Variants in AKAP13 observed in about 807,000 individuals in gnomAD.
The protein encoded by AKAP13 is A-kinase anchoring protein 13.
In AKAP13, 80 loss-of-function variants were observed where a neutral mutation model predicts 264.5. That is an observed-to-expected ratio of 0.30 (90% CI 0.25 to 0.36). The LOEUF (loss-of-function observed/expected upper bound fraction) is 0.36, where lower values mean the gene tolerates loss of function less well. AKAP13 is among the 10% of genes least tolerant of loss of function. The probability of loss-of-function intolerance (pLI) is 1.00; values close to 1 mark genes in which losing one functional copy is unlikely to be tolerated. For missense variants in AKAP13, 3,712 were observed against 3,435.2 expected, an observed-to-expected ratio of 1.08 and a Z score of -2.01; for synonymous variants, 1,380 against 1,250.2, an observed-to-expected ratio of 1.10 and a Z score of -2.19.
chr15:85,495,643 C>T (rs1033206618), intron 2 of AKAP13, among the ~76,000 whole-genome samples: 3 of 151,982 alleles, frequency 2.0e-5, no homozygotes, highest in Non-Finnish European at 4.4e-5. Context: ...AAGGCATGCT[C>T]GAAGGTAATA....
chr15:85,628,403 T>G (rs2081532058), intron 8 of AKAP13, among the ~76,000 whole-genome samples: 1 of 152,208 alleles, frequency 6.6e-6, no homozygotes, highest in African/African-American at 2.4e-5. Flanking sequence ...AGCCGCCTTC[T>G]GCTAGATTTC....
intron 1 of AKAP13, among the ~76,000 whole-genome samples, chr15:85,425,050 A>C (rs2072707505): frequency 6.6e-6 from 1 of 152,350 alleles, no homozygotes; most frequent in East Asian, 1.9e-4. Context: ...TTACCATAAC[A>C]GATATAATAA....
At chr15:85,557,321 G>A (rs1224745664) in intron 5 of AKAP13, among the ~76,000 whole-genome samples, 1 of 152,172 alleles carries the variant, frequency 6.6e-6, no homozygotes, top group Non-Finnish European at 1.5e-5. Context: ...AGATATTTAT[G>A]ATGAAAATGC....
At chr15:85,401,666 T>C (rs1365214986) in intron 1 of AKAP13, among the ~76,000 whole-genome samples, 1 of 152,204 alleles carries the variant, frequency 6.6e-6, no homozygotes, top group Non-Finnish European at 1.5e-5. Context: ...AATTAGCAGG[T>C]CAACCAACAA....
rs567485101 is a variant in AKAP13 at position 85,647,339 on chromosome 15, A to G, written c.4374+1385A>G. On this transcript the variant is annotated intron_variant, in intron 10 of 36. Transcript: ENST00000394518. ...CTTGAACCCAGGAGGTGAAGGCTGA[A>G]GTGAGCTGAGATCACACCACTGCAC... 9.2e-5 allele frequency among the ~76,000 whole-genome samples: 14 copies of G among 152,334 alleles called. No individual in the cohort carries two copies. In the East Asian group the frequency reaches 2.5e-3, roughly 27 times the overall value.
intron 19 of AKAP13, among the ~76,000 whole-genome samples, chr15:85,711,663 G>A (rs557028333): frequency 6.6e-6 from 1 of 152,328 alleles, no homozygotes; most frequent in East Asian, 1.9e-4. Context: ...CATAAATAAT[G>A]CAATGATTAA....
At chr15:85,558,523 C>G (rs2078232929) in intron 5 of AKAP13, among the ~76,000 whole-genome samples, 1 of 152,072 alleles carries the variant, frequency 6.6e-6, no homozygotes, top group South Asian at 2.1e-4. Flanking sequence ...AGATGGGGGT[C>G]CTGCCTAGAC....
intron 1 of AKAP13, among the ~76,000 whole-genome samples, chr15:85,413,044 C>A (rs1400442155): frequency 6.6e-6 from 1 of 152,150 alleles, no homozygotes; most frequent in African/African-American, 2.4e-5. Flanking sequence ...AAATTGAAAG[C>A]CTGCGCTTTT....
At chr15:85,512,512 C>T (rs75294772) in intron 2 of AKAP13, among the ~76,000 whole-genome samples, 2,514 of 152,218 alleles carry the variant, frequency 0.017, 75 homozygotes, top group African/African-American at 0.057. Context: ...TTTTTCCCCA[C>T]ACCTAACTGT....
chr15:85,743,786 A>G lies in AKAP13; in HGVS notation c.8353A>G (p.Lys2785Glu), dbSNP rs761913668. The change falls in exon 36 of 37, where the codon AAA (lysine) becomes GAA (glutamate). Residue 2785 changes from lysine (K) to glutamate (E), a missense_variant. Coordinates refer to ENST00000394518, the MANE Select transcript of AKAP13 (RefSeq NM_007200.5). ...GLTKPKEKKE[K>E]KKKNKTSRSQ... is the part of the protein sequence containing the mutation. ...AACAAAGCCAAAGGAAAAGAAGGAG[A>G]AAAAAAAGAAGAACAAAACCAGCCG... is the stretch of plus-strand genomic sequence containing the variant. 5 of 1,611,646 alleles carry G rather than the reference A, an allele frequency of 3.1e-6. No individual in the cohort carries two copies. The highest frequency in any genetic ancestry group is 2.2e-5 in the East Asian group (1 of 44,864).
chr15:85,483,754 T>C (rs2075431304), intron 1 of AKAP13, among the ~76,000 whole-genome samples: 2 of 150,688 alleles, frequency 1.3e-5, no homozygotes, highest in East Asian at 3.9e-4. Context: ...GAGGTTGCAG[T>C]GAGCCAAGAT....
At chr15:85,598,006 CT>C (rs2079893400) in intron 8 of AKAP13, among the ~76,000 whole-genome samples, 1 of 152,038 alleles carries the variant, frequency 6.6e-6, no homozygotes, top group Non-Finnish European at 1.5e-5. Flanking sequence ...TTCCAATATT[CT>C]TTATCTTTTG....
chr15:85,408,337 T>G (rs995664175), intron 1 of AKAP13, among the ~76,000 whole-genome samples: 1 of 151,840 alleles, frequency 6.6e-6, no homozygotes, highest in Non-Finnish European at 1.5e-5. Context: ...TCTTAACCAT[T>G]TACCGTCTTA....
intron 9 of AKAP13, among the ~76,000 whole-genome samples, chr15:85,645,022 A>C (rs2082490267): frequency 6.6e-6 from 1 of 152,230 alleles, no homozygotes; most frequent in African/African-American, 2.4e-5. Context: ...TGGGAGGCTA[A>C]GGTGTGAGGA....
At chr15:85,565,582 G>A (rs936326864) in intron 5 of AKAP13, among the ~76,000 whole-genome samples, 3 of 152,214 alleles carry the variant, frequency 2.0e-5, no homozygotes, top group African/African-American at 7.2e-5. Context: ...AGGGCTTCCA[G>A]TCAAGAGAAT....
chr15:85,439,021 G>A (rs2073479712), intron 1 of AKAP13, among the ~76,000 whole-genome samples: 1 of 147,752 alleles, frequency 6.8e-6, no homozygotes. Flanking sequence ...TACCATCAGA[G>A]TGAACAGGCA....
In AKAP13 at chr15:85,426,955, G is replaced by GTTT. The variant is rs71468105; in HGVS notation, c.-12+46172_-12+46174dup. Among the ~76,000 whole-genome samples the GTTT allele has an allele frequency of 1.9e-3, 243 of 125,032 alleles. 12 individuals carry two copies. Among genetic ancestry groups the GTTT allele is most frequent in the Admixed American group, 4.8e-3 (56 of 11,746 alleles). 82.0% of individuals were successfully genotyped at this position (125,032 alleles called of 152,430 possible). On this transcript the variant is annotated intron_variant, in intron 1 of 36. Transcript: ENST00000394518. ...AACCTCCTTAGTATTGTTTTGTTTT[G>GTTT]TTTTTTTTTTTTTTTTTGGGGACGG...
At chr15:85,433,633 GTT>G (rs947551879) in intron 1 of AKAP13, among the ~76,000 whole-genome samples, 30 of 152,084 alleles carry the variant, frequency 2.0e-4, no homozygotes, top group African/African-American at 6.3e-4. Flanking sequence ...ACACATGGAT[GTT>G]TGTGTAAGAT....
At chr15:85,730,966 A>T (rs1276295669) in intron 30 of AKAP13, among the ~76,000 whole-genome samples, 3 of 106,034 alleles carry the variant, frequency 2.8e-5, no homozygotes, top group African/African-American at 1.1e-4. Flanking sequence ...AGGAGCAGTT[A>T]TTCTGACTGT....
Sources: allele counts gnomAD v4.1 joint callset (sites outside exome capture counted in the v4.1 genomes callset), GRCh38; gene constraint gnomAD v4.1.1; transcripts MANE v1.5; gene names NCBI Gene and HGNC (gene_info 2026-07-23, HGNC 2026-07-21).